TNS3: variants seen among roughly 807,000 people sequenced by gnomAD.
TNS3 encodes tensin-3.
A neutral mutation model predicts 140.9 loss-of-function variants in TNS3; 45 were observed. The ratio of observed to expected loss-of-function variants is 0.32; its 90% CI spans 0.25 to 0.41. The LOEUF (loss-of-function observed/expected upper bound fraction) is 0.41, where lower values mean the gene tolerates loss of function less well. Ranked by LOEUF, TNS3 falls within the 10% of genes least tolerant of loss-of-function variation. TNS3 has a pLI of 1.00. For missense variants in TNS3, 1,716 were observed against 1,906.7 expected, an observed-to-expected ratio of 0.90 and a Z score of 1.86; for synonymous variants, 815 against 788.4, an observed-to-expected ratio of 1.03 and a Z score of -0.56.
In TNS3 at chr7:47,439,714, T is replaced by A. The variant is rs914245113; in HGVS notation, c.-22-56A>T. ...AGGGTAAGGAGGCAGCAGACATTCA[T>A]CCTCTAGGAAAAAGGTGAAGACGAC... On this transcript the variant is annotated intron_variant, in intron 5 of 30. Coordinates refer to ENST00000311160, the MANE Select transcript of TNS3 (RefSeq NM_022748.12). 1.9e-6 allele frequency: 3 copies of A among 1,578,452 alleles called. No homozygotes were observed. The African/African-American group carries it at 4.0e-5, about 21-fold the overall frequency.
intron 27 of TNS3, among the ~76,000 whole-genome samples, chr7:47,290,662 A>G (rs1161301021): frequency 6.6e-6 from 1 of 152,260 alleles, no homozygotes; most frequent in African/African-American, 2.4e-5. Context: ...GAAAGGCCAC[A>G]TTCCAGAACA....
At chr7:47,566,320 G>A (rs79133241) in intron 1 of TNS3, among the ~76,000 whole-genome samples, 8 of 152,330 alleles carry the variant, frequency 5.3e-5, no homozygotes, top group African/African-American at 1.4e-4. Flanking sequence ...CCACATTCAC[G>A]TTTCCACTGC....
intron 16 of TNS3, among the ~76,000 whole-genome samples, chr7:47,388,593 G>T (rs1431829997): frequency 1.3e-5 from 2 of 152,196 alleles, no homozygotes; most frequent in African/African-American, 4.8e-5. Flanking sequence ...GGCCAGGCGT[G>T]GTGGCTCACA....
intron 2 of TNS3, among the ~76,000 whole-genome samples, chr7:47,528,570 T>A (rs1305896954): frequency 6.6e-6 from 1 of 152,158 alleles, no homozygotes; most frequent in Non-Finnish European, 1.5e-5. Flanking sequence ...CACAAAAGAA[T>A]TGGCAAGTTC....
rs546966610 is a variant in TNS3 at position 47,451,530 on chromosome 7, G to A, written c.-75-9475C>T. Among the ~76,000 whole-genome samples the A allele has an allele frequency of 4.6e-5, 7 of 151,058 alleles. 1 individual carries two copies. The highest frequency in any genetic ancestry group is 1.4e-4 in the African/African-American group (6 of 41,412). On this transcript the variant is annotated intron_variant, in intron 4 of 30. Transcript: ENST00000311160. ...CAGGAGGTGGAGATTGCAGTGAGCCGAGATGGTGCCACTGCACTCCAGCCT... is the reference window on the plus strand; with the variant it reads ...CAGGAGGTGGAGATTGCAGTGAGCCAAGATGGTGCCACTGCACTCCAGCCT...
chr7:47,500,975 C>G (rs1356382824), intron 3 of TNS3, among the ~76,000 whole-genome samples: 2 of 152,134 alleles, frequency 1.3e-5, no homozygotes, highest in East Asian at 3.9e-4. Context: ...ATAACCCCAG[C>G]TACTTGGGAG....
At chr7:47,290,848 T>C (rs996237248) in intron 27 of TNS3, among the ~76,000 whole-genome samples, 2 of 151,896 alleles carry the variant, frequency 1.3e-5, no homozygotes, top group African/African-American at 2.4e-5. Context: ...CGCACAGGAG[T>C]TGAAAACTTA....
At chr7:47,431,286 A>G (rs541779249) in intron 8 of TNS3, among the ~76,000 whole-genome samples, 2 of 151,874 alleles carry the variant, frequency 1.3e-5, no homozygotes. Flanking sequence ...AAGACAAAAA[A>G]CTCTCAAATA....
At chr7:47,329,044 T>G (rs1360669851) in intron 20 of TNS3, among the ~76,000 whole-genome samples, 1 of 152,150 alleles carries the variant, frequency 6.6e-6, no homozygotes, top group Non-Finnish European at 1.5e-5. Context: ...TGACCCCACA[T>G]TTTTTTCAGC....
intron 18 of TNS3, among the ~76,000 whole-genome samples, chr7:47,345,659 T>C (rs1008110332): frequency 1.3e-5 from 2 of 152,136 alleles, no homozygotes; most frequent in Non-Finnish European, 2.9e-5. Context: ...CCTAGGCCTC[T>C]TGGAAGAGCA....
intron 13 of TNS3, among the ~76,000 whole-genome samples, chr7:47,408,939 T>C (rs1393441646): frequency 1.3e-5 from 2 of 151,978 alleles, no homozygotes; most frequent in African/African-American, 4.8e-5. Flanking sequence ...TATCAGTAGG[T>C]TCCCTCCTGC....
At chr7:47,484,574 G>A (rs1797542873) in intron 3 of TNS3, among the ~76,000 whole-genome samples, 1 of 152,204 alleles carries the variant, frequency 6.6e-6, no homozygotes, top group African/African-American at 2.4e-5. Flanking sequence ...GCTATCAGCT[G>A]CATTTGCTGG....
chr7:47,481,054 G>A (rs375569596), intron 4 of TNS3, 49 bp downstream of exon 4: 12 of 1,281,340 alleles, frequency 9.4e-6, no homozygotes, highest in African/African-American at 4.6e-5. Context: ...AAAGGACTTA[G>A]TCCTTTCTTG....
At chr7:47,503,406 C>T (rs1798299678) in intron 3 of TNS3, among the ~76,000 whole-genome samples, 1 of 152,032 alleles carries the variant, frequency 6.6e-6, no homozygotes, top group South Asian at 2.1e-4. Context: ...TTTCCTACAA[C>T]TGCTTCATTT....
chr7:47,304,771 C>T (rs917680670), intron 21 of TNS3, 61 bp downstream of exon 21: 56 of 1,325,368 alleles, frequency 4.2e-5, no homozygotes, highest in Non-Finnish European at 5.5e-5. Context: ...TCCCACATGC[C>T]TCTCAGCATT....
intron 4 of TNS3, among the ~76,000 whole-genome samples, chr7:47,448,895 C>A (rs1413397668): frequency 6.6e-6 from 1 of 152,152 alleles, no homozygotes; most frequent in Non-Finnish European, 1.5e-5. Context: ...GGTGTGAGTC[C>A]CACACCACCT....
At chr7:47,580,005 T>TA (rs35983071) in intron 1 of TNS3, 58,554 of 158,458 alleles carry the variant, frequency 0.37, 10,730 homozygotes, top group Non-Finnish European at 0.41. Context: ...GACACTTTGT[T>TA]AAAAAAAAAA....
intron 13 of TNS3, among the ~76,000 whole-genome samples, chr7:47,404,238 C>T (rs1020310845): frequency 6.6e-5 from 10 of 152,312 alleles, no homozygotes; most frequent in African/African-American, 2.4e-4. Context: ...GTGATGTTGA[C>T]ATCACAAATC....
intron 1 of TNS3, among the ~76,000 whole-genome samples, chr7:47,540,162 A>C (rs1799743786): frequency 6.6e-6 from 1 of 152,224 alleles, no homozygotes. Context: ...TCCCAGGAAC[A>C]AAACAAGGTT....
Sources: allele counts gnomAD v4.1 joint callset (sites outside exome capture counted in the v4.1 genomes callset), GRCh38; gene constraint gnomAD v4.1.1; transcripts MANE v1.5; gene names NCBI Gene and HGNC (gene_info 2026-07-23, HGNC 2026-07-21).